Variants in ZBTB20 observed in about 807,000 individuals in gnomAD.
ZBTB20 encodes zinc finger and BTB domain-containing protein 20.
Under a neutral mutation model 56.9 loss-of-function variants are expected in ZBTB20, and 9 were observed. The ratio of observed to expected loss-of-function variants is 0.16; its 90% confidence interval spans 0.10 to 0.28. The LOEUF is 0.28. Among genes scored for constraint, ZBTB20 ranks in the 10% least tolerant of loss-of-function variants. ZBTB20 has a pLI of 1.00. For synonymous variants in ZBTB20, 417 were observed against 420.7 expected (o/e 0.99, Z 0.11); for missense variants, 655 against 1,003.0 (o/e 0.65, Z 4.69).
At chr3:114,828,689 G>A (rs1019317816) in intron 4 of ZBTB20, among the ~76,000 whole-genome samples, 1 of 151,804 alleles carries the variant, frequency 6.6e-6, no homozygotes, top group South Asian at 2.1e-4. Flanking sequence ...ATTATGCAGG[G>A]TGATGTTCTT....
chr3:114,574,136 TATG>T (rs1290546714), intron 6 of ZBTB20, among the ~76,000 whole-genome samples: 7 of 152,186 alleles, frequency 4.6e-5, no homozygotes, highest in African/African-American at 7.2e-5. Context: ...AATTTGCATA[TATG>T]ATATGTGGTG....
chr3:114,932,822 A>T (rs1458228501), intron 3 of ZBTB20, among the ~76,000 whole-genome samples: 1 of 152,214 alleles, frequency 6.6e-6, no homozygotes, highest in East Asian at 1.9e-4. Flanking sequence ...TCTTCCCATC[A>T]AGAGGCAGAG....
chr3:114,875,059 G>T (rs2076143508), intron 4 of ZBTB20, among the ~76,000 whole-genome samples: 1 of 151,682 alleles, frequency 6.6e-6, no homozygotes, highest in Admixed American at 6.6e-5. Flanking sequence ...TTGCTATCTT[G>T]TCTACTCCTA....
At chr3:114,940,572 A>C (rs572039129) in intron 3 of ZBTB20, among the ~76,000 whole-genome samples, 1 of 146,316 alleles carries the variant, frequency 6.8e-6, no homozygotes, top group Admixed American at 6.6e-5. Flanking sequence ...CTATCTTCTT[A>C]ATCTTCTTAT....
At chr3:115,094,556 T>A (rs2083310303) in intron 1 of ZBTB20, among the ~76,000 whole-genome samples, 1 of 151,328 alleles carries the variant, frequency 6.6e-6, no homozygotes, top group African/African-American at 2.4e-5. Context: ...TTTTTTTTTT[T>A]AACTAAGTTT....
intron 10 of ZBTB20, among the ~76,000 whole-genome samples, chr3:114,368,346 T>G (rs1438815712): frequency 6.6e-6 from 1 of 152,176 alleles, no homozygotes. Flanking sequence ...AGCCCCAGTC[T>G]TAGTCCATTA....
At chr3:114,448,506 G>C (rs2109011199) in intron 7 of ZBTB20, among the ~76,000 whole-genome samples, 1 of 152,098 alleles carries the variant, frequency 6.6e-6, no homozygotes, top group East Asian at 1.9e-4. Flanking sequence ...TCTCCCACTT[G>C]TTTGAAAGCT....
Position 114,350,722 on chromosome 3 carries a change from G to C in ZBTB20, c.1356C>G (p.Ser452=), listed in dbSNP as rs1199716259. 6 of 1,614,094 alleles carry C rather than the reference G, an allele frequency of 3.7e-6. No homozygotes were observed. In the East Asian group the frequency reaches 1.3e-4, roughly 36 times the overall value. ...DSTVITVSNS[S]DKSVLQQPSV... ...AAGGCTGTTGTAGGACGCTCTTGTC[G>C]GAGCTGTTGCTGACAGTGATAACAG... The change falls in exon 11 of 12, where the codon TCC becomes TCG. Residue 452 remains serine (S), a synonymous_variant. Transcript: ENST00000675478.
intron 2 of ZBTB20, among the ~76,000 whole-genome samples, chr3:114,989,394 C>T (rs1317144871): frequency 6.6e-6 from 1 of 152,070 alleles, no homozygotes; most frequent in Non-Finnish European, 1.5e-5. Flanking sequence ...TCAGGTTTGT[C>T]AAATATCAGA....
chr3:115,146,989 C>CGGGCGGGGCGGGGCGGGGCG (rs547943376), intron 1 of ZBTB20, among the ~76,000 whole-genome samples: 1 of 148,920 alleles, frequency 6.7e-6, no homozygotes, highest in African/African-American at 2.5e-5. Flanking sequence ...GGAGGGGGCG[C>CGGGCGGGGCGGGGCGGGGCG]GGGCGGGGCG....
chr3:114,734,848 G>A (rs1441158110), intron 5 of ZBTB20, among the ~76,000 whole-genome samples: 1 of 151,986 alleles, frequency 6.6e-6, no homozygotes, highest in Non-Finnish European at 1.5e-5. Context: ...GCCTAGACAG[G>A]ATGCCATTCT....
intron 3 of ZBTB20, among the ~76,000 whole-genome samples, chr3:114,964,665 G>A (rs1025724465): frequency 1.2e-4 from 19 of 152,112 alleles, no homozygotes; most frequent in African/African-American, 4.6e-4. Context: ...AGTGTGTGTT[G>A]AAAGAACTAT....
At chr3:114,448,642 CAG>C (rs1288458593) in intron 7 of ZBTB20, among the ~76,000 whole-genome samples, 2 of 152,068 alleles carry the variant, frequency 1.3e-5, no homozygotes, top group Non-Finnish European at 2.9e-5. Context: ...AACACAGTAA[CAG>C]ATTCGGAACA....
At position 114,674,446 on chromosome 3, in the gene ZBTB20, A is replaced by T. The variant is rs149785907; in HGVS notation, c.-295+19082T>A. On this transcript the variant is annotated intron_variant, in intron 6 of 11. Coordinates refer to ENST00000675478, the MANE Select transcript of ZBTB20 (RefSeq NM_001348800.3). ...TGTACTTACATGCAATAAAGTTTGC[A>T]GATGAATATTTTGAAAATCAAAGAA... is the stretch of plus-strand genomic sequence containing the variant. Among the ~76,000 whole-genome samples, 344 of 152,346 alleles carry T rather than the reference A, an allele frequency of 2.3e-3. 1 individual carries two copies. The highest frequency in any genetic ancestry group is 7.5e-3 in the African/African-American group (312 of 41,588).
At chr3:114,521,606 A>G (rs2046644092) in intron 6 of ZBTB20, among the ~76,000 whole-genome samples, 1 of 152,164 alleles carries the variant, frequency 6.6e-6, no homozygotes. Flanking sequence ...TAATATTGCG[A>G]CAGTACATTG....
intron 5 of ZBTB20, among the ~76,000 whole-genome samples, chr3:114,744,760 A>G (rs1484201231): frequency 6.6e-6 from 1 of 152,206 alleles, no homozygotes; most frequent in African/African-American, 2.4e-5. Flanking sequence ...TAGAATATAC[A>G]GTAGCTAATT....
rs146293770 is a variant in ZBTB20, at chr3:114,942,811, G to A, written c.-456+31555C>T. On this transcript the variant is annotated intron_variant, in intron 3 of 11. Coordinates refer to ENST00000675478, the MANE Select transcript of ZBTB20 (RefSeq NM_001348800.3). ...CCTAAGTAGAACAGAATGCGAGACT[G>A]AGCACAAAGCTCCAGATTAGAACAT... is the stretch of plus-strand genomic sequence containing the variant. Among the ~76,000 whole-genome samples, 260 of 145,424 alleles carry A rather than the reference G, an allele frequency of 1.8e-3. 52 individuals carry two copies. The highest frequency in any genetic ancestry group is 7.0e-3 in the African/African-American group (250 of 35,508).
At chr3:114,490,903 C>A (rs374989503) in intron 7 of ZBTB20, among the ~76,000 whole-genome samples, 6 of 152,146 alleles carry the variant, frequency 3.9e-5, no homozygotes, top group African/African-American at 1.2e-4. Context: ...AGGGAAGGAG[C>A]AGGCATAAGA....
intron 7 of ZBTB20, among the ~76,000 whole-genome samples, chr3:114,446,193 C>A (rs1372643469): frequency 2.0e-5 from 3 of 151,958 alleles, no homozygotes; most frequent in African/African-American, 7.3e-5. Flanking sequence ...GTTTGCAGGG[C>A]CACCTTATAA....
Sources: gnomAD v4.1 joint callset for allele counts (sites outside exome capture counted in the v4.1 genomes callset) on GRCh38, gnomAD v4.1.1 for gene constraint, MANE v1.5 for transcripts, NCBI Gene and HGNC (gene_info 2026-07-23, HGNC 2026-07-21) for gene names.